Variants in PHACTR1 observed in about 807,000 individuals in gnomAD.
PHACTR1 encodes the protein phosphatase and actin regulator 1.
Under a neutral mutation model 69.2 loss-of-function variants are expected in PHACTR1, and 16 were observed. That is an observed-to-expected ratio of 0.23 (90% confidence interval 0.16 to 0.35). The LOEUF is 0.35. Among genes scored for constraint, PHACTR1 ranks in the 10% least tolerant of loss-of-function variants. The pLI is 1.00. For synonymous variants in PHACTR1, 312 were observed against 284.5 expected (o/e 1.10, Z -0.97); for missense variants, 510 against 734.7 (o/e 0.69, Z 3.54).
intron 5 of PHACTR1, among the ~76,000 whole-genome samples, chr6:13,114,628 C>A (rs1398276713): frequency 6.6e-6 from 1 of 152,266 alleles, no homozygotes; most frequent in African/African-American, 2.4e-5. Flanking sequence ...TTTTTGCCAC[C>A]TACTCTCCTG....
chr6:12,970,531 A>C (rs968273581), intron 4 of PHACTR1, among the ~76,000 whole-genome samples: 1 of 152,224 alleles, frequency 6.6e-6, no homozygotes, highest in Non-Finnish European at 1.5e-5. Flanking sequence ...GCACGTTGTG[A>C]GGCCGAGGCA....
chr6:13,072,156 G>A lies in PHACTR1; in HGVS notation c.415+18627G>A, dbSNP rs62388258. Among the ~76,000 whole-genome samples, 1,405 of 152,230 alleles carry A rather than the reference G, an allele frequency of 9.2e-3. 20 individuals carry two copies. Among genetic ancestry groups the A allele is most frequent in the Middle Eastern group, 0.051 (15 of 294 alleles). ...ATAGAAGTAGGTCAGATATTTACAAGGATACTCATAATAACGTGCCATTCC... is the reference window on the plus strand; with the variant it reads ...ATAGAAGTAGGTCAGATATTTACAAAGATACTCATAATAACGTGCCATTCC... On this transcript the variant is annotated intron_variant, in intron 5 of 14. Coordinates refer to ENST00000332995, the MANE Select transcript of PHACTR1 (RefSeq NM_030948.6).
chr6:12,774,312 C>T (rs193124421), intron 4 of PHACTR1, among the ~76,000 whole-genome samples: 47 of 152,168 alleles, frequency 3.1e-4, no homozygotes, highest in Non-Finnish European at 5.0e-4. Context: ...AACCTAGAGG[C>T]GTGTATTTCA....
chr6:12,986,414 T>C (rs908364487), intron 4 of PHACTR1, among the ~76,000 whole-genome samples: 1 of 152,234 alleles, frequency 6.6e-6, no homozygotes, highest in Non-Finnish European at 1.5e-5. Context: ...AGATCTGATG[T>C]GCTAGAAACA....
chr6:12,720,572 G>A (rs779673585), intron 3 of PHACTR1, among the ~76,000 whole-genome samples: 1 of 152,202 alleles, frequency 6.6e-6, no homozygotes, highest in Admixed American at 6.5e-5. Context: ...GAAAATGCAT[G>A]GGAGGTGGCA....
intron 4 of PHACTR1, among the ~76,000 whole-genome samples, chr6:12,906,086 A>G (rs1010265782): frequency 1.4e-4 from 21 of 152,236 alleles, no homozygotes; most frequent in African/African-American, 4.8e-4. Context: ...TATATGAGAT[A>G]GTCAGATTCA....
chr6:12,975,948 A>G (rs1794826857), intron 4 of PHACTR1, among the ~76,000 whole-genome samples: 1 of 152,224 alleles, frequency 6.6e-6, no homozygotes, highest in Admixed American at 6.5e-5. Context: ...TCTTATGATC[A>G]TCCATTGAAA....
At chr6:13,093,584 A>G (rs934987941) in intron 5 of PHACTR1, among the ~76,000 whole-genome samples, 6 of 152,238 alleles carry the variant, frequency 3.9e-5, no homozygotes, top group Non-Finnish European at 7.3e-5. Flanking sequence ...GCACTAACAT[A>G]GACAACTCAG....
At chr6:12,870,914 C>T (rs937442231) in intron 4 of PHACTR1, among the ~76,000 whole-genome samples, 1 of 152,066 alleles carries the variant, frequency 6.6e-6, no homozygotes, top group Non-Finnish European at 1.5e-5. Flanking sequence ...AATATCAGTA[C>T]GTGGGGAAAG....
At chr6:12,860,004 C>CATCATCATT (rs527613595) in intron 4 of PHACTR1, among the ~76,000 whole-genome samples, 36 of 151,438 alleles carry the variant, frequency 2.4e-4, no homozygotes, top group Non-Finnish European at 3.8e-4. Context: ...TCATCATCAT[C>CATCATCATT]ATTATTATTA....
At chr6:12,812,945 A>G (rs1775188475) in intron 4 of PHACTR1, among the ~76,000 whole-genome samples, 1 of 152,202 alleles carries the variant, frequency 6.6e-6, no homozygotes, top group African/African-American at 2.4e-5. Context: ...GAGAGGGAGT[A>G]CCTTGAATAT....
At chr6:12,763,831 A>G (rs961974728) in intron 4 of PHACTR1, among the ~76,000 whole-genome samples, 1 of 152,318 alleles carries the variant, frequency 6.6e-6, no homozygotes, top group Non-Finnish European at 1.5e-5. Flanking sequence ...TTTAAATTTA[A>G]CCGTCACAGT....
Position 13,210,911 on chromosome 6 carries a change from CTTTTTTTTTTTT to C in PHACTR1, c.986+4786_986+4797del, listed in dbSNP as rs56769825. Among the ~76,000 whole-genome samples, 177 of 72,946 alleles carry C rather than the reference CTTTTTTTTTTTT, an allele frequency of 2.4e-3. 1 individual carries two copies. The highest frequency in any genetic ancestry group is 4.1e-3 in the Non-Finnish European group (155 of 37,760). 47.9% of individuals were successfully genotyped at this position (72,946 alleles called of 152,430 possible). A position where few individuals can be genotyped will look rare whatever the true frequency, so the allele number is the denominator to read the frequency against. On this transcript the variant is annotated intron_variant, in intron 8 of 14. Transcript: ENST00000332995. Reference sequence around the variant, plus strand: ...TTTGGAAGATGATGGTTTATCATTTCTTTTTTTTTTTTTTTTTTTTTTGCATTGAGATTTCCC... The same window carrying C: ...TTTGGAAGATGATGGTTTATCATTTCTTTTTTTTTTGCATTGAGATTTCCC...
chr6:12,746,967 AC>A (rs1157377867), intron 3 of PHACTR1, among the ~76,000 whole-genome samples: 1 of 152,190 alleles, frequency 6.6e-6, no homozygotes, highest in Non-Finnish European at 1.5e-5. Flanking sequence ...TTCCTTAAGA[AC>A]CTGAACCCGA....
intron 5 of PHACTR1, among the ~76,000 whole-genome samples, chr6:13,133,531 A>G (rs1223510): frequency 0.19 from 29,533 of 151,824 alleles, 3,239 homozygotes; most frequent in South Asian, 0.41. Flanking sequence ...TCCTAACCGC[A>G]AGTGATCTGC....
At chr6:13,155,384 T>C (rs1325047511) in intron 5 of PHACTR1, among the ~76,000 whole-genome samples, 2 of 152,186 alleles carry the variant, frequency 1.3e-5, no homozygotes, top group Non-Finnish European at 2.9e-5. Flanking sequence ...GGCTTCTGTT[T>C]GTGAGTCCCT....
Position 13,237,799 on chromosome 6 carries a change from C to T in PHACTR1, c.1391+7606C>T, listed in dbSNP as rs186257542. On this transcript the variant is annotated intron_variant, in intron 10 of 14. Transcript: ENST00000332995. ...TACACACTAGGCTAGATGGTAAAGC[C>T]TATTGCTCCTCAACTACAAACCTGT... 7.2e-5 allele frequency among the ~76,000 whole-genome samples: 11 copies of T among 152,298 alleles called. No individual in the cohort carries two copies. In the East Asian group the frequency reaches 1.7e-3, roughly 24 times the overall value.
At chr6:12,835,442 G>T (rs1778058620) in intron 4 of PHACTR1, among the ~76,000 whole-genome samples, 2 of 152,094 alleles carry the variant, frequency 1.3e-5, no homozygotes, top group South Asian at 4.1e-4. Context: ...AGAAAGGCCG[G>T]TTGAGGAAAT....
At chr6:12,783,395 A>C (rs545722438) in intron 4 of PHACTR1, among the ~76,000 whole-genome samples, 3 of 152,378 alleles carry the variant, frequency 2.0e-5, no homozygotes, top group Admixed American at 6.5e-5. Flanking sequence ...AACAACATTT[A>C]ATAACACTCA....
Sources: allele counts gnomAD v4.1 joint callset (sites outside exome capture counted in the v4.1 genomes callset), GRCh38; gene constraint gnomAD v4.1.1; transcripts MANE v1.5; gene names NCBI Gene and HGNC (gene_info 2026-07-23, HGNC 2026-07-21).